ZNF732: variants seen among roughly 807,000 people sequenced by gnomAD.
The protein encoded by ZNF732 is zinc finger protein LOC654254.
A neutral mutation model predicts 11.5 loss-of-function variants in ZNF732; 12 were observed. The ratio of observed to expected loss-of-function variants is 1.05; its 90% CI spans 0.67 to 1.70. ZNF732 has a LOEUF of 1.70. Among genes scored for constraint, ZNF732 ranks in the 40% most tolerant of loss-of-function variants. ZNF732 has a pLI of 0.00. For synonymous variants in ZNF732, 231 were observed against 236.5 expected, an observed-to-expected ratio of 0.98 and a Z score of 0.21; for missense variants, 702 against 676.9, an observed-to-expected ratio of 1.04 and a Z score of -0.41.
At chr4:272,981 G>A (rs1719420974) in intron 3 of ZNF732, among the ~76,000 whole-genome samples, 1 of 152,010 alleles carries the variant, frequency 6.6e-6, no homozygotes. Flanking sequence ...TTACTTAAAA[G>A]AAAAGAAAAA....
intron 3 of ZNF732, among the ~76,000 whole-genome samples, chr4:286,683 G>A (rs1296191690): frequency 1.3e-5 from 2 of 152,168 alleles, no homozygotes; most frequent in African/African-American, 2.4e-5. Context: ...CTGTTAGAAT[G>A]CAAAACAACT....
chr4:280,484 C>A (rs544552998), intron 3 of ZNF732, among the ~76,000 whole-genome samples: 41 of 152,096 alleles, frequency 2.7e-4, no homozygotes, highest in Non-Finnish European at 5.3e-4. Context: ...ACTCGGGAGG[C>A]TGAGGCAGGA....
rs1019498291 is a variant in ZNF732, at chr4:284,724, C to T, written c.226+10714G>A. Among the ~76,000 whole-genome samples the T allele has an allele frequency of 1.9e-4, 28 of 150,972 alleles. No individual in the cohort carries two copies. In the South Asian group the frequency reaches 1.9e-3, roughly 10 times the overall value. On this transcript the variant is annotated intron_variant, in intron 3 of 3. Transcript: ENST00000419098. ...AGTCTCTACTAAAAATACAAAAATT[C>T]GCCGGGCGTGGTGGCGGGCACTTGT...
Position 271,811 on chromosome 4 carries a change from A to C in ZNF732, c.1046T>G (p.Leu349Arg). 1 of 1,613,286 alleles carries C rather than the reference A, an allele frequency of 6.2e-7. No homozygotes were observed. Among genetic ancestry groups the C allele is most frequent in the Non-Finnish European group, 8.5e-7 (1 of 1,179,668 alleles). ...CGKAFSRSSV[L>R]NEHKRIHTGE... Reference sequence around the variant, plus strand: ...AGTATGAATTCTCTTATGTTCATTCAGAACTGAGGACCTACTAAAGGCTTT... The same window carrying C: ...AGTATGAATTCTCTTATGTTCATTCCGAACTGAGGACCTACTAAAGGCTTT... Residue 349 changes from leucine (L) to arginine (R), a missense_variant, in exon 4 of 4, where the codon CTG becomes CGG. Physicochemically the swap from Leu to Arg is moderately radical, Grantham distance 102. This residue lies in a region of ZNF732 where 596 missense variants were observed against 557.9 expected (regional missense o/e 1.07). Transcript: ENST00000419098.
Position 296,957 on chromosome 4 carries a change from G to T in ZNF732, c.4-802C>A, listed in dbSNP as rs147066075. ...GAGGCTGGAGATGGTGTCAATGTCT[G>T]AGTAAGTCTGCATTTGAAAAACAAC... On this transcript the variant is annotated intron_variant, in intron 1 of 3. Transcript: ENST00000419098. Among the ~76,000 whole-genome samples the T allele has an allele frequency of 9.6e-4, 146 of 152,288 alleles. 3 individuals are homozygous for T. The South Asian group carries it at 0.011, about 12-fold the overall frequency.
intron 3 of ZNF732, among the ~76,000 whole-genome samples, chr4:281,344 T>C (rs1553839765): frequency 2.6e-5 from 4 of 152,222 alleles, no homozygotes; most frequent in Admixed American, 6.5e-5. Context: ...TCAGCTGTGA[T>C]CAAGGGTCAT....
At chr4:296,678 C>T (rs1719959343) in intron 1 of ZNF732, among the ~76,000 whole-genome samples, 1 of 152,084 alleles carries the variant, frequency 6.6e-6, no homozygotes, top group South Asian at 2.1e-4. Flanking sequence ...TTTATATTCT[C>T]GGCCTCACTG....
chr4:304,522 A>G (rs781916835), intron 1 of ZNF732, among the ~76,000 whole-genome samples: 3 of 152,032 alleles, frequency 2.0e-5, no homozygotes, highest in Non-Finnish European at 2.9e-5. Context: ...GACACCACCC[A>G]GAGTCAGCGA....
intron 3 of ZNF732, among the ~76,000 whole-genome samples, chr4:288,659 A>G (rs1387669817): frequency 1.3e-5 from 2 of 152,200 alleles, no homozygotes; most frequent in Non-Finnish European, 2.9e-5. Flanking sequence ...CTGTTCTAAA[A>G]ACAAGAAGTG....
chr4:275,074 A>T (rs907962168), intron 3 of ZNF732, among the ~76,000 whole-genome samples: 24 of 151,616 alleles, frequency 1.6e-4, no homozygotes, highest in African/African-American at 5.8e-4. Flanking sequence ...ACTGTAGAGA[A>T]CACTGCTCAG....
At chr4:282,988 A>C (rs910664974) in intron 3 of ZNF732, among the ~76,000 whole-genome samples, 1 of 152,352 alleles carries the variant, frequency 6.6e-6, no homozygotes, top group Middle Eastern at 3.4e-3. Context: ...TTAGTTAGCC[A>C]ATAAAATCAC....
chr4:295,416 TC>T (rs782378990), intron 3 of ZNF732, 21 bp downstream of exon 3: 1 of 1,585,352 alleles, frequency 6.3e-7, no homozygotes. Flanking sequence ...CTGTGTCCTC[TC>T]CTTCATTCAC....
In ZNF732 at chr4:272,091, C is replaced by T. The variant is rs2108651217; in HGVS notation, c.766G>A (p.Gly256Ser). Residue 256 changes from glycine (G) to serine (S), a missense_variant, in exon 4 of 4, where the codon GGC becomes AGC. Physicochemically the swap from Gly to Ser is moderately conservative, Grantham distance 56. This residue lies in a region of ZNF732 where 596 missense variants were observed against 557.9 expected (regional missense o/e 1.07). Coordinates refer to ENST00000419098, the MANE Select transcript of ZNF732 (RefSeq NM_001137608.3). Reference sequence around the variant, plus strand: ...GTTGAGGACCTATTAAAGGCTTTGCCACATTCTTCATATTTGTAAGATTTC... The same window carrying T: ...GTTGAGGACCTATTAAAGGCTTTGCTACATTCTTCATATTTGTAAGATTTC... ...GEKSYKYEEC[G>S]KAFNRSSTLT... 6.2e-7 allele frequency: 1 copy of T among 1,611,782 alleles called. No homozygotes were observed. The highest frequency in any genetic ancestry group is 1.3e-5 in the African/African-American group (1 of 74,886).
intron 3 of ZNF732, among the ~76,000 whole-genome samples, chr4:283,825 T>A (rs1553840213): frequency 6.6e-6 from 1 of 152,230 alleles, no homozygotes; most frequent in Non-Finnish European, 1.5e-5. Context: ...GAATATTCTC[T>A]AGCATACATC....
intron 3 of ZNF732, among the ~76,000 whole-genome samples, chr4:273,574 C>T (rs1553838204): frequency 6.6e-6 from 1 of 151,040 alleles, no homozygotes; most frequent in East Asian, 1.9e-4. Flanking sequence ...ACATTAAAAA[C>T]AAAAAACAAA....
rs957140908 is a variant in ZNF732 at position 274,745 on chromosome 4, A to T, written c.227-2115T>A. The stretch of plus-strand genomic sequence containing the variant: ...TGTAATACAAAGTACATCTTAAGTC[A>T]AAACTGTCCTATTTCATAAAATATA... On this transcript the variant is annotated intron_variant, in intron 3 of 3. Coordinates refer to ENST00000419098, the MANE Select transcript of ZNF732 (RefSeq NM_001137608.3). Among the ~76,000 whole-genome samples, 4 of 151,860 alleles carry T rather than the reference A, an allele frequency of 2.6e-5. No homozygotes were observed. The East Asian group carries it at 7.7e-4, about 29-fold the overall frequency.
chr4:300,407 G>A (rs112043870), intron 1 of ZNF732, among the ~76,000 whole-genome samples: 163 of 138,406 alleles, frequency 1.2e-3, no homozygotes, highest in African/African-American at 4.1e-3. Context: ...AGGTTGTAGT[G>A]AGCAACCACT....
At chr4:299,433 GTGTATATA>G (rs1560165191) in intron 1 of ZNF732, among the ~76,000 whole-genome samples, 1 of 60,776 alleles carries the variant, frequency 1.6e-5, no homozygotes, top group African/African-American at 8.1e-5. Flanking sequence ...ATACACATAT[GTGTATATA>G]TATATATATA....
Position 295,511 on chromosome 4 carries a change from G to T in ZNF732, c.153C>A (p.Asp51Glu). The change falls in exon 3 of 4, where the codon GAC (aspartate) becomes GAA (glutamate). Residue 51 changes from aspartate to glutamate, a missense_variant. Asp to Glu is a conservative substitution (Grantham distance 45, BLOSUM62 2). Transcript: ENST00000419098. ...ISLGVAISNP[D>E]LVIYLEQRKE... Reference sequence around the variant, plus strand: ...TTCTTTGCTCCAGATAGATGACCAGGTCTGGGTTAGAGATAGCAACACCTG... The same window carrying T: ...TTCTTTGCTCCAGATAGATGACCAGTTCTGGGTTAGAGATAGCAACACCTG... 6.2e-7 allele frequency: 1 copy of T among 1,612,778 alleles called. No individual in the cohort carries two copies. The highest frequency in any genetic ancestry group is 8.5e-7 in the Non-Finnish European group (1 of 1,179,398).
Sources: gnomAD v4.1 joint callset for allele counts (sites outside exome capture counted in the v4.1 genomes callset) on GRCh38, gnomAD v4.1.1 for gene constraint, gnomAD v4.1.1 regional missense constraint, MANE v1.5 for transcripts, NCBI Gene and HGNC (gene_info 2026-07-23, HGNC 2026-07-21) for gene names.